The following GABRB2 variants were observed in gnomAD, a reference collection of about 807,000 sequenced individuals.
The protein encoded by GABRB2 is gamma-aminobutyric acid receptor subunit beta-2.
In GABRB2, 16 loss-of-function variants were observed where a neutral mutation model predicts 54.7. That is an observed-to-expected ratio of 0.29 (90% CI 0.20 to 0.44). The LOEUF is 0.44. Ranked by LOEUF, GABRB2 falls within the 20% of genes least tolerant of loss-of-function variation. The pLI is 1.00. For missense variants in GABRB2, 355 were observed against 644.0 expected, an observed-to-expected ratio of 0.55 and a Z score of 4.86; for synonymous variants, 244 against 233.8, an observed-to-expected ratio of 1.04 and a Z score of -0.40.
At position 161,295,936 on chromosome 5, in the gene GABRB2, G is replaced by A. The variant is rs190757713; in HGVS notation, c.1192-1508C>T. Reference sequence around the variant, plus strand: ...TGTTATAAAAGATCTGCCAAGGAAGGGCCAGGTGGTGGCTTTAATGAGGGC... The same window carrying A: ...TGTTATAAAAGATCTGCCAAGGAAGAGCCAGGTGGTGGCTTTAATGAGGGC... On this transcript the variant is annotated intron_variant, in intron 9 of 9. Transcript: ENST00000393959. 4.6e-5 allele frequency among the ~76,000 whole-genome samples: 7 copies of A among 152,238 alleles called. No individual in the cohort carries two copies. In the East Asian group the frequency reaches 1.4e-3, roughly 29 times the overall value.
intron 5 of GABRB2, among the ~76,000 whole-genome samples, chr5:161,354,722 T>G (rs1450286758): frequency 6.6e-6 from 1 of 152,086 alleles, no homozygotes; most frequent in Non-Finnish European, 1.5e-5. Context: ...GGCTTCCCAT[T>G]TTATCATATA....
intron 4 of GABRB2, among the ~76,000 whole-genome samples, chr5:161,419,757 A>T (rs931208599): frequency 2.0e-5 from 3 of 152,206 alleles, no homozygotes; most frequent in Non-Finnish European, 4.4e-5. Context: ...GAGCTAAAAA[A>T]TGTGTACACA....
At chr5:161,407,769 G>C (rs981581644) in intron 5 of GABRB2, among the ~76,000 whole-genome samples, 1 of 152,008 alleles carries the variant, frequency 6.6e-6, no homozygotes, top group Non-Finnish European at 1.5e-5. Context: ...CAACATTTAA[G>C]TAAAAGGGGG....
chr5:161,326,332 A>G (rs770088437), intron 9 of GABRB2, 36 bp downstream of exon 9: 1 of 1,605,886 alleles, frequency 6.2e-7, no homozygotes, highest in Non-Finnish European at 8.5e-7. Context: ...CCCCAACAGA[A>G]ATACAAATAA....
intron 5 of GABRB2, among the ~76,000 whole-genome samples, chr5:161,356,651 G>A (rs1032442027): frequency 8.5e-5 from 13 of 152,264 alleles, no homozygotes; most frequent in Middle Eastern, 3.4e-3. Context: ...GAACATAGCT[G>A]CCTATGAGAA....
At chr5:161,542,541 G>A (rs995634130) in intron 3 of GABRB2, among the ~76,000 whole-genome samples, 2 of 152,142 alleles carry the variant, frequency 1.3e-5, no homozygotes, top group East Asian at 1.9e-4. Context: ...AGTAGAACTC[G>A]CATCTGAGAC....
chr5:161,446,481 T>C (rs1757618035), intron 4 of GABRB2, among the ~76,000 whole-genome samples: 2 of 152,284 alleles, frequency 1.3e-5, no homozygotes, highest in South Asian at 4.1e-4. Context: ...CTGTCTGCTC[T>C]GCCACTTCCA....
At chr5:161,448,201 T>C (rs919812276) in intron 4 of GABRB2, among the ~76,000 whole-genome samples, 1 of 152,086 alleles carries the variant, frequency 6.6e-6, no homozygotes, top group Non-Finnish European at 1.5e-5. Flanking sequence ...GACAGGAAGA[T>C]CACTTGTGAA....
At chr5:161,412,927 A>G (rs1756562466) in intron 4 of GABRB2, among the ~76,000 whole-genome samples, 1 of 152,082 alleles carries the variant, frequency 6.6e-6, no homozygotes, top group African/African-American at 2.4e-5. Context: ...GTTTTTAGAG[A>G]CAGGTTCTTT....
At chr5:161,479,255 T>C (rs946721335) in intron 3 of GABRB2, among the ~76,000 whole-genome samples, 4 of 152,104 alleles carry the variant, frequency 2.6e-5, no homozygotes, top group Non-Finnish European at 5.9e-5. Context: ...ATATTCTTTA[T>C]ATACACTGAA....
At chr5:161,345,632 C>G (rs2113424103) in intron 5 of GABRB2, among the ~76,000 whole-genome samples, 1 of 152,182 alleles carries the variant, frequency 6.6e-6, no homozygotes, top group African/African-American at 2.4e-5. Context: ...ATTTCAACTT[C>G]CAACTTTCCC....
At chr5:161,313,793 T>C (rs1757945467) in intron 9 of GABRB2, among the ~76,000 whole-genome samples, 2 of 152,168 alleles carry the variant, frequency 1.3e-5, no homozygotes, top group Non-Finnish European at 2.9e-5. Flanking sequence ...TCTGAGCGCT[T>C]TCCTATCCTC....
chr5:161,322,408 G>C (rs1005773031), intron 9 of GABRB2, among the ~76,000 whole-genome samples: 3 of 151,956 alleles, frequency 2.0e-5, no homozygotes, highest in African/African-American at 4.8e-5. Context: ...GATAATTTTT[G>C]TACTTTTTCT....
rs1758178729 is a variant in GABRB2, at chr5:161,320,485, C to T, written c.1191+5883G>A. ...CCTATCACTTCAATTTATTTGGATGCTCTTTTGATTTAAATTATATGATTC... is the reference window on the plus strand; with the variant it reads ...CCTATCACTTCAATTTATTTGGATGTTCTTTTGATTTAAATTATATGATTC... On this transcript the variant is annotated intron_variant, in intron 9 of 9. Coordinates refer to ENST00000393959, the MANE Select transcript of GABRB2 (RefSeq NM_001371727.1). Among the ~76,000 whole-genome samples, 3 of 151,664 alleles carry T rather than the reference C, an allele frequency of 2.0e-5. No homozygotes were observed. The South Asian group carries it at 6.2e-4, about 31-fold the overall frequency.
At chr5:161,337,918 T>C (rs1044933875) in intron 5 of GABRB2, among the ~76,000 whole-genome samples, 24 of 152,146 alleles carry the variant, frequency 1.6e-4, no homozygotes, top group African/African-American at 5.1e-4. Flanking sequence ...AAGGTGGACA[T>C]TGCTCTGCCA....
intron 9 of GABRB2, among the ~76,000 whole-genome samples, chr5:161,303,212 A>C (rs1470014742): frequency 6.6e-6 from 1 of 152,204 alleles, no homozygotes; most frequent in African/African-American, 2.4e-5. Context: ...ATTTAAACTT[A>C]TGTTTATGGA....
chr5:161,325,298 G>C (rs1758329433), intron 9 of GABRB2, among the ~76,000 whole-genome samples: 1 of 151,894 alleles, frequency 6.6e-6, no homozygotes, highest in Admixed American at 6.6e-5. Context: ...AATGTTTAGG[G>C]GATTGGAACA....
intron 5 of GABRB2, among the ~76,000 whole-genome samples, chr5:161,382,489 A>C (rs1755499694): frequency 1.3e-5 from 2 of 152,018 alleles, no homozygotes; most frequent in Non-Finnish European, 2.9e-5. Context: ...GAATGATACC[A>C]TATCAATAAC....
intron 9 of GABRB2, among the ~76,000 whole-genome samples, chr5:161,315,433 T>C (rs1156975263): frequency 6.6e-6 from 1 of 152,146 alleles, no homozygotes; most frequent in Non-Finnish European, 1.5e-5. Flanking sequence ...ATCAATGACT[T>C]CCTAGGTGTC....
Sources: allele counts gnomAD v4.1 joint callset (sites outside exome capture counted in the v4.1 genomes callset), GRCh38; gene constraint gnomAD v4.1.1; transcripts MANE v1.5; gene names NCBI Gene and HGNC (gene_info 2026-07-23, HGNC 2026-07-21).